Variants in PINK1 observed in about 807,000 individuals in gnomAD.
The protein encoded by PINK1 is PTEN induced kinase 1.
In PINK1, 58 loss-of-function variants were observed where a neutral mutation model predicts 56.0. The observed-to-expected ratio is 1.04, with a 90% CI of 0.84 to 1.29. PINK1 has a LOEUF of 1.29. Among genes scored for constraint, PINK1 ranks in the 50% most tolerant of loss-of-function variants. The probability of loss-of-function intolerance (pLI) is 0.00; values close to 1 mark genes in which losing one functional copy is unlikely to be tolerated. For synonymous variants in PINK1, 354 were observed against 339.3 expected (o/e 1.04, Z -0.48); for missense variants, 745 against 777.9 (o/e 0.96, Z 0.50).
At position 20,645,382 on chromosome 1, in the gene PINK1, G is replaced by A. The variant is rs3131712; in HGVS notation, c.960-178G>A. 0.37 allele frequency: 265,742 copies of A among 708,660 alleles called. 51,129 individuals are homozygous for A. The highest frequency in any genetic ancestry group is 0.49 in the Middle Eastern group (1,254 of 2,538). The allele number at this position is 708,660 out of a possible 1,614,324, so 43.9% of individuals were successfully genotyped here. A position where few individuals can be genotyped will look rare whatever the true frequency, so the allele number is the denominator to read the frequency against. On this transcript the variant is annotated intron_variant, in intron 4 of 7. Transcript: ENST00000321556. ...CGGGCACCTATAATCCCAGCTACTC[G>A]GGAGGCTGAGGTAGGAGAATTGCTT...
In PINK1 at chr1:20,650,084, T is replaced by C. The variant is rs537898277; in HGVS notation, c.1489-350T>C. 2.4e-5 allele frequency: 9 copies of C among 368,808 alleles called. No homozygotes were observed. In the East Asian group the frequency reaches 5.2e-4, roughly 21 times the overall value. 22.8% of individuals were successfully genotyped at this position (368,808 alleles called of 1,614,324 possible). ...CGTGGCCTGCTATCTTGGTGCGCAG[T>C]GAAGGTTAGAACAACAGCTGCAACC... On this transcript the variant is annotated intron_variant, in intron 7 of 7. Transcript: ENST00000321556.
chr1:20,644,357 C>G, intron 3 of PINK1, 133 bp from the exon 4 acceptor site: 1 of 1,115,782 alleles, frequency 9.0e-7, no homozygotes, highest in Non-Finnish European at 1.4e-6. Context: ...TGGCACATAG[C>G]AAATCTATGA....
Position 20,638,141 on chromosome 1 carries a change from G to T in PINK1, c.675+12G>T. On this transcript the variant is annotated intron_variant, in intron 2 of 7. Transcript: ENST00000321556. ...TGTGGAACATCTCGGTAAGCACCAG[G>T]CCTTTCATCTTTAAAGGAGATGTTC... The T allele has an allele frequency of 1.2e-6, 2 of 1,608,306 alleles. No homozygotes were observed. Among genetic ancestry groups the T allele is most frequent in the Non-Finnish European group, 1.7e-6 (2 of 1,179,836 alleles).
rs2053119915 is a variant in PINK1 at position 20,641,992 on chromosome 1, C to G, written c.776+2000C>G. Among the ~76,000 whole-genome samples, 1 of 152,170 alleles carries G rather than the reference C, an allele frequency of 6.6e-6. No homozygotes were observed. The highest frequency in any genetic ancestry group is 2.4e-5 in the African/African-American group (1 of 41,450). On this transcript the variant is annotated intron_variant, in intron 3 of 7. Coordinates refer to ENST00000321556, the MANE Select transcript of PINK1 (RefSeq NM_032409.3). The surrounding 1 kb of genome is among the most constrained non-coding windows in gnomAD (Gnocchi z 4.0). ...GGCCCTGACAGCCTGGGGCTGTGAT[C>G]ATGACTTGCCCAGGGGCCCGAGGGT...
chr1:20,638,677 A>G lies in PINK1; in HGVS notation c.675+548A>G, dbSNP rs115483804. On this transcript the variant is annotated intron_variant, in intron 2 of 7. Coordinates refer to ENST00000321556, the MANE Select transcript of PINK1 (RefSeq NM_032409.3). ...AAACAAACAAAAAAAACCCAAAGGT[A>G]GATTCTGATTCAGCAGGTCAGGGAT... is the stretch of plus-strand genomic sequence containing the variant. 426 of 197,560 alleles carry G rather than the reference A, an allele frequency of 2.2e-3. 3 individuals carry two copies. Among genetic ancestry groups the G allele is most frequent in the African/African-American group, 9.8e-3 (405 of 41,388 alleles). 12.2% of individuals were successfully genotyped at this position (197,560 alleles called of 1,614,324 possible).
intron 3 of PINK1, 126 bp downstream of exon 3, chr1:20,640,118 G>A: frequency 1.2e-6 from 1 of 849,362 alleles, no homozygotes; most frequent in Non-Finnish European, 1.9e-6. Context: ...TAATGTTGGT[G>A]ATGGATTTTC....
chr1:20,646,772 A>G (rs2053187251), intron 5 of PINK1, among the ~76,000 whole-genome samples: 1 of 152,210 alleles, frequency 6.6e-6, no homozygotes, highest in African/African-American at 2.4e-5. Flanking sequence ...CCACTTGCCT[A>G]GGAAAATTGT....
intron 1 of PINK1, among the ~76,000 whole-genome samples, chr1:20,637,497 C>A (rs1308678202): frequency 6.6e-6 from 1 of 152,194 alleles, no homozygotes; most frequent in Non-Finnish European, 1.5e-5. Context: ...CTTTGCAGAG[C>A]GAGCTGTCTC....
At chr1:20,636,774 G>T (rs2053060709) in intron 1 of PINK1, among the ~76,000 whole-genome samples, 1 of 152,202 alleles carries the variant, frequency 6.6e-6, no homozygotes, top group Non-Finnish European at 1.5e-5. Context: ...CACAGAGGAA[G>T]GAGGAGCTTG....
intron 1 of PINK1, among the ~76,000 whole-genome samples, chr1:20,635,212 A>AT (rs1008924874): frequency 9.2e-5 from 14 of 152,128 alleles, no homozygotes; most frequent in Non-Finnish European, 1.6e-4. Flanking sequence ...CATTAAAAAA[A>AT]TTTTTTTTGG....
At chr1:20,645,065 G>T (rs1557564448) in intron 4 of PINK1, among the ~76,000 whole-genome samples, 1 of 152,160 alleles carries the variant, frequency 6.6e-6, no homozygotes, top group Admixed American at 6.5e-5. Context: ...TTTGAATATA[G>T]GGAGCCCCAA....
At chr1:20,650,311 G>T (rs1256688863) in intron 7 of PINK1, 123 bp from the exon 8 acceptor site, 2 of 1,305,722 alleles carry the variant, frequency 1.5e-6, no homozygotes, top group East Asian at 5.0e-5. Context: ...GCATCAGTAG[G>T]AGATAGGGTA....
Position 20,638,055 on chromosome 1 carries a change from C to T in PINK1, c.601C>T (p.Pro201Ser). 6.2e-7 allele frequency: 1 copy of T among 1,614,134 alleles called. No individual in the cohort carries two copies. Among genetic ancestry groups the T allele is most frequent in the Non-Finnish European group, 8.5e-7 (1 of 1,180,020 alleles). Residue 201 changes from proline (P) to serine (S), a missense_variant, in exon 2 of 8, where the codon CCA becomes TCA. By Grantham distance (74) the Pro-to-Ser change is moderately conservative (BLOSUM62 -1). Coordinates refer to ENST00000321556, the MANE Select transcript of PINK1 (RefSeq NM_032409.3). Reference protein sequence around the residue: ...LPGRGPGTSAPGEGQERAPGA... With the variant: ...LPGRGPGTSASGEGQERAPGA... The stretch of plus-strand genomic sequence containing the variant: ...AGGGAGAGGCCCAGGTACCAGTGCA[C>T]CAGGAGAAGGGCAGGAGCGAGCTCC...
intron 7 of PINK1, 102 bp from the exon 8 acceptor site, chr1:20,650,332 T>G: frequency 6.8e-7 from 1 of 1,468,408 alleles, no homozygotes; most frequent in Non-Finnish European, 9.3e-7. Flanking sequence ...GAGGAAGAAT[T>G]GGGTTGGGAC....
chr1:20,648,470 G>T, intron 5 of PINK1, 35 bp from the exon 6 acceptor site: 1 of 1,613,784 alleles, frequency 6.2e-7, no homozygotes, highest in South Asian at 1.1e-5. Flanking sequence ...GGAAGGAGGG[G>T]AGGAGAAATG....
intron 4 of PINK1, 124 bp downstream of exon 4, chr1:20,644,796 A>G (rs1570404171): frequency 7.7e-7 from 1 of 1,296,026 alleles, no homozygotes. Context: ...CTTCCGGAGA[A>G]GAAAGCCATG....
chr1:20,650,707 CTGG>C lies in PINK1; in HGVS notation c.*19_*21del, dbSNP rs1238740464. 1 of 1,611,722 alleles carries C rather than the reference CTGG, an allele frequency of 6.2e-7. No individual in the cohort carries two copies. Among genetic ancestry groups the C allele is most frequent in the Non-Finnish European group, 8.5e-7 (1 of 1,179,796 alleles). The stretch of plus-strand genomic sequence containing the variant: ...AGCCCTGTGATGTCCCTGCATGGAG[CTGG>C]TGAATTACTAAAAGAACATGGCATC... On this transcript the variant is annotated 3_prime_UTR_variant, in exon 8 of 8. Coordinates refer to ENST00000321556, the MANE Select transcript of PINK1 (RefSeq NM_032409.3).
At chr1:20,650,056 G>C (rs1025537639) in intron 7 of PINK1, 7 of 347,864 alleles carry the variant, frequency 2.0e-5, no homozygotes, top group Non-Finnish European at 1.7e-5. Flanking sequence ...ACTGCTCTCT[G>C]TACGTGGCCT....
At chr1:20,650,300 G>C (rs919370716) in intron 7 of PINK1, 134 bp from the exon 8 acceptor site, 1 of 1,194,962 alleles carries the variant, frequency 8.4e-7, no homozygotes, top group African/African-American at 1.5e-5. Context: ...CTGAGTGAAG[G>C]GCATCAGTAG....
Sources: allele counts gnomAD v4.1 joint callset (sites outside exome capture counted in the v4.1 genomes callset), GRCh38; gene constraint gnomAD v4.1.1; non-coding constraint Gnocchi (gnomAD v3.1); transcripts MANE v1.5; gene names NCBI Gene and HGNC (gene_info 2026-07-23, HGNC 2026-07-21).